CA2: variants seen among roughly 807,000 people sequenced by gnomAD.
The protein encoded by CA2 is carbonic anhydrase 2, also known as carbonate dehydratase II.
CA2 carries 23 observed loss-of-function variants against 27.8 expected under a neutral mutation model. That is an observed-to-expected ratio of 0.83 (90% CI 0.59 to 1.17). CA2 has a LOEUF of 1.17. CA2 is among the 50% of genes most tolerant of loss of function. CA2 has a pLI of 0.00. For missense variants in CA2, 300 were observed against 314.7 expected (o/e 0.95, Z 0.35); for synonymous variants, 99 against 114.9 (o/e 0.86, Z 0.88).
intron 2 of CA2, among the ~76,000 whole-genome samples, chr8:85,466,459 T>C (rs928286899): frequency 2.6e-5 from 4 of 152,152 alleles, no homozygotes; most frequent in Admixed American, 1.3e-4. Context: ...GGTAGACTAT[T>C]CTTTGTCAGC....
Position 85,466,168 on chromosome 8 carries a change from C to T in CA2, c.232+699C>T, listed in dbSNP as rs564587271. On this transcript the variant is annotated intron_variant, in intron 2 of 6. Transcript: ENST00000285379. ...AAGAAAGAGAAAGAAGAAAAAAAAT[C>T]CTGCTTTTTTTTTTTTATCTCTCTC... Among the ~76,000 whole-genome samples the T allele has an allele frequency of 4.7e-5, 7 of 148,906 alleles. No individual in the cohort carries two copies. The East Asian group carries it at 1.4e-3, about 29-fold the overall frequency.
chr8:85,480,109 C>G (rs1303154805), intron 6 of CA2, among the ~76,000 whole-genome samples: 1 of 152,002 alleles, frequency 6.6e-6, no homozygotes, highest in Non-Finnish European at 1.5e-5. Context: ...AAAAATGACC[C>G]CAACGAATTT....
chr8:85,465,400 A>T lies in CA2; in HGVS notation c.163A>T (p.Thr55Ser), dbSNP rs112536089. The change falls in exon 2 of 7, where the codon ACT becomes TCT. Residue 55 changes from threonine to serine, a missense_variant. This residue lies in a region of CA2 where 122 missense variants were observed against 133.2 expected (regional missense o/e 0.92). Coordinates refer to ENST00000285379, the MANE Select transcript of CA2 (RefSeq NM_000067.3). ...CCTGTCTGTTTCCTATGATCAAGCAACTTCCCTGAGGATCCTCAACAATGG... is the reference window on the plus strand; with the variant it reads ...CCTGTCTGTTTCCTATGATCAAGCATCTTCCCTGAGGATCCTCAACAATGG... ...KPLSVSYDQA[T>S]SLRILNNGHA... The T allele has an allele frequency of 2.5e-6, 4 of 1,614,172 alleles. No homozygotes were observed. The highest frequency in any genetic ancestry group is 1.3e-5 in the African/African-American group (1 of 75,028).
In CA2 at chr8:85,473,934, G is replaced by A. The variant is rs1811747813; in HGVS notation, c.351+123G>A. The stretch of plus-strand genomic sequence containing the variant: ...CCAGTGAACCACTTCTTTTACAAAG[G>A]ACCTTCACATTTGCTTTTTATAACC... On this transcript the variant is annotated intron_variant, in intron 3 of 6. Coordinates refer to ENST00000285379, the MANE Select transcript of CA2 (RefSeq NM_000067.3). The A allele has an allele frequency of 4.1e-6, 3 of 726,838 alleles. No individual in the cohort carries two copies. The Admixed American group carries it at 6.2e-5, about 15-fold the overall frequency. 45.0% of individuals were successfully genotyped at this position (726,838 alleles called of 1,614,324 possible).
intron 6 of CA2, among the ~76,000 whole-genome samples, chr8:85,478,271 T>G (rs1218408465): frequency 1.3e-5 from 2 of 152,234 alleles, no homozygotes; most frequent in African/African-American, 4.8e-5. Flanking sequence ...ACTTCATATC[T>G]TTCTTTAAAG....
intron 2 of CA2, among the ~76,000 whole-genome samples, chr8:85,470,860 C>A (rs545813559): frequency 2.6e-5 from 4 of 151,754 alleles, no homozygotes; most frequent in African/African-American, 4.8e-5. Context: ...ATTTATGTCT[C>A]CATCCCTCAC....
intron 2 of CA2, among the ~76,000 whole-genome samples, chr8:85,471,563 G>T (rs887730532): frequency 2.0e-5 from 3 of 152,088 alleles, no homozygotes; most frequent in Non-Finnish European, 4.4e-5. Context: ...ATCCTGCTAT[G>T]ATTCTTCACT....
intron 2 of CA2, among the ~76,000 whole-genome samples, chr8:85,469,472 CA>C (rs1020082455): frequency 6.6e-6 from 1 of 152,148 alleles, no homozygotes; most frequent in African/African-American, 2.4e-5. Context: ...GAGCTCTCAT[CA>C]ATCTTCTAAA....
rs1406172191 is a variant in CA2, at chr8:85,480,706, G to A, written c.700G>A (p.Gly234Ser). 1.2e-6 allele frequency: 2 copies of A among 1,613,654 alleles called. No individual in the cohort carries two copies. The highest frequency in any genetic ancestry group is 1.7e-6 in the Non-Finnish European group (2 of 1,179,656). The change falls in exon 7 of 7, where the codon GGT becomes AGT. Residue 234 changes from glycine to serine, a missense_variant. Gly to Ser is a moderately conservative substitution (Grantham distance 56). Coordinates refer to ENST00000285379, the MANE Select transcript of CA2 (RefSeq NM_000067.3). ...KFRKLNFNGEGEPEELMVDNW... is the reference protein window; with the variant it reads ...KFRKLNFNGESEPEELMVDNW... ...CCGTAAACTTAACTTCAATGGGGAGGGTGAACCCGAAGAACTGATGGTGGA... is the reference window on the plus strand; with the variant it reads ...CCGTAAACTTAACTTCAATGGGGAGAGTGAACCCGAAGAACTGATGGTGGA...
At chr8:85,467,771 T>G (rs10106305) in intron 2 of CA2, among the ~76,000 whole-genome samples, 7,079 of 152,332 alleles carry the variant, frequency 0.046, 265 homozygotes, top group African/African-American at 0.11. Context: ...TCTAGCTACA[T>G]TTTTCACAGC....
chr8:85,475,103 C>T (rs1377296794), intron 4 of CA2, among the ~76,000 whole-genome samples: 2 of 151,954 alleles, frequency 1.3e-5, no homozygotes, highest in African/African-American at 4.8e-5. Context: ...AGGCCAGGAG[C>T]TCAAGACCAG....
chr8:85,479,075 C>T (rs1262428340), intron 6 of CA2, among the ~76,000 whole-genome samples: 1 of 152,010 alleles, frequency 6.6e-6, no homozygotes, highest in African/African-American at 2.4e-5. Flanking sequence ...CTGAGGCTTA[C>T]AGGGAGAGGG....
intron 6 of CA2, among the ~76,000 whole-genome samples, chr8:85,478,512 A>G (rs1269707675): frequency 6.6e-6 from 1 of 152,204 alleles, no homozygotes; most frequent in Non-Finnish European, 1.5e-5. Flanking sequence ...GAGCAATGCA[A>G]CTTTAAAGCA....
In CA2 at chr8:85,481,385, T is replaced by C. The variant is rs973500824; in HGVS notation, c.*596T>C. 2.0e-5 allele frequency: 3 copies of C among 152,840 alleles called. No individual in the cohort carries two copies. The highest frequency in any genetic ancestry group is 7.2e-5 in the African/African-American group (3 of 41,450). 9.5% of individuals were successfully genotyped at this position (152,840 alleles called of 1,614,324 possible). On this transcript the variant is annotated 3_prime_UTR_variant, in exon 7 of 7. Transcript: ENST00000285379. ...ATAAATGAAGTATTATCTGTAAAAATTGTTATAATTAGAGTTGTGATACAG... is the reference window on the plus strand; with the variant it reads ...ATAAATGAAGTATTATCTGTAAAAACTGTTATAATTAGAGTTGTGATACAG...
intron 2 of CA2, 35 bp downstream of exon 2, chr8:85,465,504 C>T: frequency 6.4e-7 from 1 of 1,554,828 alleles, no homozygotes; most frequent in Non-Finnish European, 8.8e-7. Flanking sequence ...GTCTTTTAGC[C>T]AGTAGCTGTT....
chr8:85,466,032 A>G lies in CA2; in HGVS notation c.232+563A>G, dbSNP rs1336351954. 1.8e-4 allele frequency among the ~76,000 whole-genome samples: 28 copies of G among 151,980 alleles called. 1 individual carries two copies. The highest frequency in any genetic ancestry group is 1.8e-3 in the Admixed American group (28 of 15,256). On this transcript the variant is annotated intron_variant, in intron 2 of 6. Coordinates refer to ENST00000285379, the MANE Select transcript of CA2 (RefSeq NM_000067.3). ...ACTCAGAAATTCATTTCACAAACGA[A>G]GATGTTTTAGAGTTGGTGAACATAC...
chr8:85,471,256 A>G (rs1433213206), intron 2 of CA2, among the ~76,000 whole-genome samples: 1 of 152,038 alleles, frequency 6.6e-6, no homozygotes, highest in Non-Finnish European at 1.5e-5. Context: ...ATTTAATAAC[A>G]TTTTCTAGTT....
At chr8:85,467,271 G>A (rs1350406933) in intron 2 of CA2, among the ~76,000 whole-genome samples, 1 of 152,160 alleles carries the variant, frequency 6.6e-6, no homozygotes, top group Non-Finnish European at 1.5e-5. Context: ...CATAGACTGG[G>A]GTCAGAGAGA....
intron 5 of CA2, among the ~76,000 whole-genome samples, chr8:85,476,168 T>A (rs1007053739): frequency 1.3e-5 from 2 of 152,208 alleles, no homozygotes; most frequent in Non-Finnish European, 2.9e-5. Context: ...GTCAAATTAT[T>A]CACTCATTCA....
Sources: allele counts gnomAD v4.1 joint callset (sites outside exome capture counted in the v4.1 genomes callset), GRCh38; gene constraint gnomAD v4.1.1; regional missense constraint gnomAD v4.1.1; transcripts MANE v1.5; gene names NCBI Gene and HGNC (gene_info 2026-07-23, HGNC 2026-07-21).